Variants in RAE1 observed in about 807,000 individuals in gnomAD.
The protein encoded by RAE1 is ribonucleic acid export 1.
Under a neutral mutation model 52.7 loss-of-function variants are expected in RAE1, and 13 were observed. The ratio of observed to expected loss-of-function variants is 0.25; its 90% CI spans 0.16 to 0.39. The LOEUF (loss-of-function observed/expected upper bound fraction) is 0.39. RAE1 is among the 10% of genes least tolerant of loss of function. The pLI is 1.00. For missense variants in RAE1, 262 were observed against 459.8 expected (o/e 0.57, Z 3.93); for synonymous variants, 164 against 153.1 (o/e 1.07, Z -0.52).
At chr20:57,377,019 T>C (rs2067125980) in intron 11 of RAE1, among the ~76,000 whole-genome samples, 1 of 152,236 alleles carries the variant, frequency 6.6e-6, no homozygotes, top group South Asian at 2.1e-4. Flanking sequence ...TTCATTGTTC[T>C]TAGTTCAAGG....
chr20:57,371,135 A>G (rs942820271), intron 8 of RAE1: 6 of 152,176 alleles, frequency 3.9e-5, no homozygotes, highest in African/African-American at 1.4e-4. Flanking sequence ...TTAGATCAGA[A>G]CTCTATGACA....
At position 57,366,997 on chromosome 20, in the gene RAE1, T is replaced by C; in HGVS notation, c.463-11T>C. On this transcript the variant is annotated splice_polypyrimidine_tract_variant and intron_variant, in intron 6 of 11. Transcript: ENST00000395841. Reference sequence around the variant, plus strand: ...AATGGTCACATACTGGCTTCTCTTTTTTGCTTTTAGTTTTGGGATACTCGA... The same window carrying C: ...AATGGTCACATACTGGCTTCTCTTTCTTGCTTTTAGTTTTGGGATACTCGA... The C allele has an allele frequency of 6.2e-7, 1 of 1,606,480 alleles. No individual in the cohort carries two copies. The highest frequency in any genetic ancestry group is 8.5e-7 in the Non-Finnish European group (1 of 1,173,010).
rs535585189 is a variant in RAE1, at chr20:57,353,576, G to A, written c.-7-456G>A. Among the ~76,000 whole-genome samples, 10 of 152,360 alleles carry A rather than the reference G, an allele frequency of 6.6e-5. No individual in the cohort carries two copies. The East Asian group carries it at 1.9e-3, about 29-fold the overall frequency. On this transcript the variant is annotated intron_variant, in intron 1 of 11. Coordinates refer to ENST00000395841, the MANE Select transcript of RAE1 (RefSeq NM_003610.4). ...GGATGCTGACCTAAACTAGAATGTA[G>A]AAATTAGTAGGAAAGTGAATGCCCA...
chr20:57,357,093 G>A lies in RAE1; in HGVS notation c.288+555G>A, dbSNP rs113602652. ...GAAGCTAAGCCTTGAGGCCCCTTCCGAGGCCTTGTACCTGTTCCTTTAGTC... is the reference window on the plus strand; with the variant it reads ...GAAGCTAAGCCTTGAGGCCCCTTCCAAGGCCTTGTACCTGTTCCTTTAGTC... On this transcript the variant is annotated intron_variant, in intron 4 of 11. Transcript: ENST00000395841. Among the ~76,000 whole-genome samples the A allele has an allele frequency of 4.6e-3, 705 of 152,312 alleles. 4 individuals carry two copies. The highest frequency in any genetic ancestry group is 0.015 in the African/African-American group (636 of 41,566).
At chr20:57,366,553 G>A (rs1037148541) in intron 5 of RAE1, among the ~76,000 whole-genome samples, 9 of 152,126 alleles carry the variant, frequency 5.9e-5, no homozygotes, top group South Asian at 2.1e-4. Context: ...GGAGGGATCC[G>A]CCCCCATGAC....
chr20:57,361,262 C>T (rs2066888404), intron 4 of RAE1, among the ~76,000 whole-genome samples: 1 of 152,028 alleles, frequency 6.6e-6, no homozygotes, highest in Non-Finnish European at 1.5e-5. Flanking sequence ...GGGTTATGCT[C>T]AAGGTATCAT....
At chr20:57,376,790 C>A (rs2067122673) in intron 11 of RAE1, among the ~76,000 whole-genome samples, 1 of 152,204 alleles carries the variant, frequency 6.6e-6, no homozygotes, top group Admixed American at 6.5e-5. Context: ...GCAGCTGCAT[C>A]AAAATTCTGC....
chr20:57,352,066 C>T (rs2066718170), intron 1 of RAE1: 2 of 811,322 alleles, frequency 2.5e-6, no homozygotes, highest in Non-Finnish European at 3.0e-6. Context: ...ACAAGAAATT[C>T]CAGGGGATGT....
At chr20:57,368,567 T>C (rs1344795294) in intron 7 of RAE1, 138 bp from the exon 8 acceptor site, 1 of 566,244 alleles carries the variant, frequency 1.8e-6, no homozygotes, top group Non-Finnish European at 3.2e-6. Context: ...ACTATTTCTC[T>C]AGGTTTTAGT....
At chr20:57,371,395 A>G (rs2067033622) in intron 8 of RAE1, 1 of 152,206 alleles carries the variant, frequency 6.6e-6, no homozygotes. Context: ...TGAAAAATGG[A>G]CCAAAGACTT....
intron 4 of RAE1, among the ~76,000 whole-genome samples, chr20:57,363,655 C>T (rs2066918016): frequency 6.6e-6 from 1 of 152,106 alleles, no homozygotes; most frequent in Non-Finnish European, 1.5e-5. Flanking sequence ...AGCAATAGAG[C>T]AAGACCGTGT....
intron 8 of RAE1, among the ~76,000 whole-genome samples, chr20:57,369,232 A>T (rs2066999739): frequency 6.6e-6 from 1 of 152,260 alleles, no homozygotes; most frequent in South Asian, 2.1e-4. Context: ...TCACAGAAAG[A>T]AGGGGGCTCA....
intron 4 of RAE1, chr20:57,357,354 TC>T (rs1252501813): frequency 6.6e-6 from 1 of 152,198 alleles, no homozygotes; most frequent in East Asian, 1.9e-4. Flanking sequence ...TCTAAATAAA[TC>T]CTATAGGGTG....
chr20:57,351,664 T>A, intron 1 of RAE1: 1 of 985,504 alleles, frequency 1.0e-6, no homozygotes, highest in Non-Finnish European at 1.2e-6. Context: ...TCACATTGCG[T>A]TAATGCAGTG....
At chr20:57,377,247 C>G in intron 11 of RAE1, among the ~76,000 whole-genome samples, 1 of 152,214 alleles carries the variant, frequency 6.6e-6, no homozygotes, top group South Asian at 2.1e-4. Context: ...CCATGCCCCA[C>G]CTCCCTCTTC....
intron 8 of RAE1, chr20:57,371,692 TC>T (rs1185671658): frequency 1.3e-5 from 2 of 152,206 alleles, no homozygotes; most frequent in Non-Finnish European, 2.9e-5. Context: ...ATCTAGCAGT[TC>T]CACTTACAGG....
chr20:57,364,565 A>C (rs748054741), intron 4 of RAE1, among the ~76,000 whole-genome samples: 1 of 152,246 alleles, frequency 6.6e-6, no homozygotes. Flanking sequence ...GGAACCAAAA[A>C]TGAAATATAG....
chr20:57,373,968 A>G (rs924903795), intron 10 of RAE1, among the ~76,000 whole-genome samples: 2 of 152,082 alleles, frequency 1.3e-5, no homozygotes, highest in Non-Finnish European at 2.9e-5. Flanking sequence ...ATATCACCTC[A>G]CTGCAACCTC....
intron 3 of RAE1, 68 bp downstream of exon 3, chr20:57,354,884 C>A: frequency 8.4e-7 from 1 of 1,185,962 alleles, no homozygotes; most frequent in South Asian, 1.6e-5. Context: ...AGCTTTAGCT[C>A]CGTTGTTTCC....
Sources: allele counts gnomAD v4.1 joint callset (sites outside exome capture counted in the v4.1 genomes callset), GRCh38; gene constraint gnomAD v4.1.1; transcripts MANE v1.5; gene names NCBI Gene and HGNC (gene_info 2026-07-23, HGNC 2026-07-21).